The following RALGPS1 variants were observed in gnomAD, a reference collection of about 807,000 sequenced individuals.
The protein encoded by RALGPS1 is Ral GEF with PH domain and SH3 binding motif 1, also known as ras-specific guanine nucleotide-releasing factor RalGPS1.
In RALGPS1, 19 loss-of-function variants were observed where a neutral mutation model predicts 78.8. The observed-to-expected ratio is 0.24, with a 90% CI of 0.17 to 0.35. The LOEUF is 0.35. RALGPS1 is among the 10% of genes least tolerant of loss of function. RALGPS1 has a pLI of 1.00. For synonymous variants in RALGPS1, 228 were observed against 256.3 expected, an observed-to-expected ratio of 0.89 and a Z score of 1.06; for missense variants, 454 against 688.3, an observed-to-expected ratio of 0.66 and a Z score of 3.81.
In RALGPS1 at chr9:127,091,172, A is replaced by G. The variant is rs2052421664; in HGVS notation, c.610+21816A>G. Among the ~76,000 whole-genome samples, 1 of 152,090 alleles carries G rather than the reference A, an allele frequency of 6.6e-6. No homozygotes were observed. Among genetic ancestry groups the G allele is most frequent in the South Asian group, 2.1e-4 (1 of 4,832 alleles). On this transcript the variant is annotated intron_variant, in intron 8 of 18. Transcript: ENST00000259351. This position sits in a 1 kb window ranked among gnomAD's most constrained non-coding sequence, Gnocchi z 4.3. ...GTACATTCTCTCTACCCTTCTCCCT[A>G]CTCTGCAATGTAGTTCTTGTCCTTA...
At chr9:127,156,231 A>G (rs983092431) in intron 8 of RALGPS1, among the ~76,000 whole-genome samples, 14 of 152,242 alleles carry the variant, frequency 9.2e-5, no homozygotes, top group African/African-American at 3.1e-4. Flanking sequence ...ATTACAAACA[A>G]TGCTGCAGTG....
intron 1 of RALGPS1, among the ~76,000 whole-genome samples, chr9:126,958,174 CAT>C (rs1564307358): frequency 4.9e-5 from 6 of 122,310 alleles, no homozygotes; most frequent in Non-Finnish European, 1.1e-4. Context: ...CACACACACA[CAT>C]ATATGTGTAT....
intron 2 of RALGPS1, among the ~76,000 whole-genome samples, chr9:126,962,902 C>T (rs965126784): frequency 5.3e-5 from 8 of 152,196 alleles, no homozygotes; most frequent in Non-Finnish European, 7.3e-5. Flanking sequence ...GTGTGTGTAA[C>T]GCCTGCTCCT....
intron 4 of RALGPS1, among the ~76,000 whole-genome samples, chr9:126,998,244 T>C (rs2042958785): frequency 6.6e-6 from 1 of 152,040 alleles, no homozygotes; most frequent in Non-Finnish European, 1.5e-5. Flanking sequence ...ACCTACAGAA[T>C]GGGAGAAAAC....
At chr9:126,920,392 G>A (rs1489505506) in intron 1 of RALGPS1, among the ~76,000 whole-genome samples, 2 of 152,104 alleles carry the variant, frequency 1.3e-5, no homozygotes, top group Non-Finnish European at 2.9e-5. Context: ...TTAGGGATGG[G>A]GAAGAAGGAA....
intron 8 of RALGPS1, among the ~76,000 whole-genome samples, chr9:127,106,191 G>A (rs2054198751): frequency 6.6e-6 from 1 of 152,172 alleles, no homozygotes; most frequent in East Asian, 1.9e-4. Context: ...AGTAACCATT[G>A]AGTCCAGCCT....
intron 5 of RALGPS1, among the ~76,000 whole-genome samples, chr9:127,047,126 C>T (rs577014659): frequency 1.8e-4 from 28 of 152,216 alleles, no homozygotes; most frequent in African/African-American, 6.0e-4. Flanking sequence ...CAGGTACACA[C>T]GCTTTTATTC....
intron 4 of RALGPS1, among the ~76,000 whole-genome samples, chr9:127,010,185 T>TG (rs944564622): frequency 2.0e-5 from 3 of 151,926 alleles, no homozygotes; most frequent in African/African-American, 7.3e-5. Context: ...AGGCTAGAGG[T>TG]GGGGAGAGGC....
At chr9:127,157,395 A>G (rs1188406764) in intron 8 of RALGPS1, among the ~76,000 whole-genome samples, 4 of 152,098 alleles carry the variant, frequency 2.6e-5, no homozygotes, top group Non-Finnish European at 5.9e-5. Context: ...ACTCAGATAC[A>G]AAGAGATGTA....
rs547935730 is a variant in RALGPS1 at position 127,120,918 on chromosome 9, G to A, written c.611-45151G>A. Among the ~76,000 whole-genome samples, 30 of 152,146 alleles carry A rather than the reference G, an allele frequency of 2.0e-4. 1 individual carries two copies. In the South Asian group the frequency reaches 6.2e-3, roughly 32 times the overall value. On this transcript the variant is annotated intron_variant, in intron 8 of 18. Transcript: ENST00000259351. Reference sequence around the variant, plus strand: ...TGGTTTGTAATCATCAGTGACCAAGGTTTGCTCAGGGTTTGCTGTGCACCA... The same window carrying A: ...TGGTTTGTAATCATCAGTGACCAAGATTTGCTCAGGGTTTGCTGTGCACCA...
At chr9:127,024,506 T>C (rs1338057331) in intron 4 of RALGPS1, among the ~76,000 whole-genome samples, 1 of 151,702 alleles carries the variant, frequency 6.6e-6, no homozygotes, top group Non-Finnish European at 1.5e-5. Flanking sequence ...TTAATGAGCT[T>C]CACCAAACTC....
intron 14 of RALGPS1, among the ~76,000 whole-genome samples, chr9:127,202,911 A>G (rs887198708): frequency 1.7e-4 from 25 of 149,052 alleles, no homozygotes; most frequent in African/African-American, 6.4e-4. Context: ...GCCGCAGGGC[A>G]GCGGCCGCAG....
chr9:126,945,413 A>C (rs1263838467), intron 1 of RALGPS1, among the ~76,000 whole-genome samples: 1 of 152,134 alleles, frequency 6.6e-6, no homozygotes, highest in Non-Finnish European at 1.5e-5. Context: ...TTAGCCAGGC[A>C]GATCTCGAAC....
chr9:127,220,512 C>A lies in RALGPS1; in HGVS notation c.*1743C>A, dbSNP rs747045745. 1 of 152,138 alleles carries A rather than the reference C, an allele frequency of 6.6e-6. No individual in the cohort carries two copies. Among genetic ancestry groups the A allele is most frequent in the Non-Finnish European group, 1.5e-5 (1 of 68,024 alleles). 9.4% of individuals were successfully genotyped at this position (152,138 alleles called of 1,614,324 possible). A position where few individuals can be genotyped will look rare whatever the true frequency, so the allele number is the denominator to read the frequency against. ...AATACTTTCCTCCTAAGAGAAACTCCCAGGTGATAAAAGTTGATGCCATCA... is the reference window on the plus strand; with the variant it reads ...AATACTTTCCTCCTAAGAGAAACTCACAGGTGATAAAAGTTGATGCCATCA... On this transcript the variant is annotated 3_prime_UTR_variant, in exon 19 of 19. Transcript: ENST00000259351.
intron 8 of RALGPS1, among the ~76,000 whole-genome samples, chr9:127,120,685 G>T (rs948839419): frequency 2.0e-5 from 3 of 152,142 alleles, no homozygotes; most frequent in Non-Finnish European, 4.4e-5. Context: ...AAAATTAGCT[G>T]GGCGTGGTGG....
intron 3 of RALGPS1, among the ~76,000 whole-genome samples, chr9:126,976,313 T>TCTCTCA (rs112367251): frequency 2.8e-4 from 42 of 150,458 alleles, no homozygotes; most frequent in South Asian, 6.3e-4. Flanking sequence ...ACACTCATTC[T>TCTCTCA]CACACACACA....
intron 8 of RALGPS1, chr9:127,108,576 G>A (rs750317653): frequency 6.2e-7 from 1 of 1,613,556 alleles, no homozygotes; most frequent in Admixed American, 1.7e-5. Context: ...AGGTGCACTT[G>A]TCCTGGGACT....
intron 5 of RALGPS1, 96 bp from the exon 6 acceptor site, chr9:127,049,947 C>T: frequency 1.1e-6 from 1 of 890,436 alleles, no homozygotes; most frequent in Non-Finnish European, 1.9e-6. Flanking sequence ...TCTTGGAAAT[C>T]CCATAACAGC....
intron 3 of RALGPS1, among the ~76,000 whole-genome samples, chr9:126,973,041 G>T (rs1209503434): frequency 6.6e-6 from 1 of 151,946 alleles, no homozygotes; most frequent in Admixed American, 6.6e-5. Flanking sequence ...CAACCTGGGC[G>T]ACAGAGCGAG....
Sources: allele counts gnomAD v4.1 joint callset (sites outside exome capture counted in the v4.1 genomes callset), GRCh38; gene constraint gnomAD v4.1.1; non-coding constraint Gnocchi (gnomAD v3.1); transcripts MANE v1.5; gene names NCBI Gene and HGNC (gene_info 2026-07-23, HGNC 2026-07-21).